The following ARL13B variants were observed in gnomAD, a reference collection of about 807,000 sequenced individuals.
The protein encoded by ARL13B is ARF like GTPase 13B.
In ARL13B, 36 loss-of-function variants were observed where a neutral mutation model predicts 56.1. The ratio of observed to expected loss-of-function variants is 0.64; its 90% confidence interval spans 0.49 to 0.85. ARL13B has a LOEUF of 0.85. Ranked by LOEUF, ARL13B falls within the 40% of genes least tolerant of loss-of-function variation. The pLI, the probability that ARL13B is intolerant of heterozygous loss-of-function variation, is 0.00. For missense variants in ARL13B, 519 were observed against 507.1 expected (o/e 1.02, Z -0.23); for synonymous variants, 178 against 171.1 (o/e 1.04, Z -0.32).
intron 1 of ARL13B, among the ~76,000 whole-genome samples, chr3:93,986,064 G>A (rs973763231): frequency 1.3e-5 from 2 of 152,190 alleles, no homozygotes; most frequent in Admixed American, 6.5e-5. Flanking sequence ...TGTATGTACA[G>A]ATTAGCAAGG....
intron 3 of ARL13B, 89 bp from the exon 4 acceptor site, chr3:94,035,236 CAAAAAA>C: frequency 7.1e-5 from 39 of 551,634 alleles, no homozygotes; most frequent in Admixed American, 1.2e-4. Context: ...GACTCAGTCT[CAAAAAA>C]AAAAAAAAAA....
At chr3:94,009,430 G>A (rs188548239) in intron 3 of ARL13B, among the ~76,000 whole-genome samples, 7 of 151,668 alleles carry the variant, frequency 4.6e-5, no homozygotes, top group African/African-American at 7.3e-5. Flanking sequence ...GTCATATTCC[G>A]TATTGTAAGT....
chr3:94,004,483 A>G (rs1419347646), intron 3 of ARL13B, among the ~76,000 whole-genome samples: 1 of 152,160 alleles, frequency 6.6e-6, no homozygotes, highest in African/African-American at 2.4e-5. Context: ...CATAGCATTT[A>G]TGCATGGTAA....
chr3:94,049,918 C>A (rs965556106), intron 8 of ARL13B, among the ~76,000 whole-genome samples: 1 of 149,870 alleles, frequency 6.7e-6, no homozygotes, highest in Non-Finnish European at 1.5e-5. Flanking sequence ...TTTGTGAGGC[C>A]GAGGCGGGCA....
At chr3:94,046,500 G>A (rs1489045531) in intron 7 of ARL13B, among the ~76,000 whole-genome samples, 1 of 151,980 alleles carries the variant, frequency 6.6e-6, no homozygotes, top group African/African-American at 2.4e-5. Context: ...GTTGTAGCAT[G>A]TATCAATAGT....
chr3:94,050,798 T>C (rs1156341035), intron 8 of ARL13B, 26 bp from the exon 9 acceptor site: 3 of 1,603,118 alleles, frequency 1.9e-6, no homozygotes, highest in African/African-American at 1.3e-5. Context: ...TAACAGTGTT[T>C]TTTAAATGTT....
At position 93,985,046 on chromosome 3, in the gene ARL13B, T is replaced by C. The variant is rs1341495545; in HGVS notation, c.59+4564T>C. 2.0e-5 allele frequency among the ~76,000 whole-genome samples: 3 copies of C among 152,124 alleles called. No homozygotes were observed. The East Asian group carries it at 5.8e-4, about 29-fold the overall frequency. ...CAATCAATCAATCAATAAGACTAAA[T>C]AAAAATTTTAAATTCAAATATATTA... On this transcript the variant is annotated intron_variant, in intron 1 of 9. Transcript: ENST00000394222.
intron 1 of ARL13B, among the ~76,000 whole-genome samples, chr3:93,981,952 T>C (rs1710243140): frequency 6.6e-6 from 1 of 151,884 alleles, no homozygotes; most frequent in Non-Finnish European, 1.5e-5. Context: ...AATTATATTC[T>C]GGTCTAATTT....
chr3:94,032,408 T>C (rs1438540827), intron 3 of ARL13B, among the ~76,000 whole-genome samples: 1 of 152,242 alleles, frequency 6.6e-6, no homozygotes, highest in East Asian at 1.9e-4. Flanking sequence ...ACATAGCAGA[T>C]GTCTGCGAGA....
At chr3:94,013,520 G>A (rs1482366779) in intron 3 of ARL13B, among the ~76,000 whole-genome samples, 1 of 152,192 alleles carries the variant, frequency 6.6e-6, no homozygotes, top group Non-Finnish European at 1.5e-5. Flanking sequence ...GTTCAAGAAA[G>A]CAATACCTTA....
intron 3 of ARL13B, among the ~76,000 whole-genome samples, chr3:94,009,248 T>C (rs983689165): frequency 6.6e-5 from 10 of 152,094 alleles, no homozygotes; most frequent in Non-Finnish European, 4.4e-5. Flanking sequence ...ACTAAAAAGA[T>C]TAAAAACCCT....
At position 94,003,930 on chromosome 3, in the gene ARL13B, G is replaced by A. The variant is rs570316047; in HGVS notation, c.380+22G>A. On this transcript the variant is annotated intron_variant, in intron 3 of 9. Coordinates refer to ENST00000394222, the MANE Select transcript of ARL13B (RefSeq NM_001174150.2). ...TGGTGTAAGTAATGTTAGCATCATTGTAAATGTAGGGACGATGGCATTGGC... is the reference window on the plus strand; with the variant it reads ...TGGTGTAAGTAATGTTAGCATCATTATAAATGTAGGGACGATGGCATTGGC... 18 of 1,612,614 alleles carry A rather than the reference G, an allele frequency of 1.1e-5. No homozygotes were observed. The East Asian group carries it at 3.3e-4, about 30-fold the overall frequency.
chr3:93,991,589 A>G (rs1051576434), intron 1 of ARL13B, among the ~76,000 whole-genome samples: 2 of 152,172 alleles, frequency 1.3e-5, no homozygotes, highest in African/African-American at 4.8e-5. Context: ...ATGTTGCCCA[A>G]GCTGGTCTTG....
chr3:94,032,094 C>A (rs1454211262), intron 3 of ARL13B, among the ~76,000 whole-genome samples: 1 of 152,134 alleles, frequency 6.6e-6, no homozygotes, highest in African/African-American at 2.4e-5. Flanking sequence ...GTAAAAACTT[C>A]TGCACAGCAA....
intron 3 of ARL13B, among the ~76,000 whole-genome samples, chr3:94,012,836 T>C (rs1348085806): frequency 6.6e-6 from 1 of 152,186 alleles, no homozygotes; most frequent in Non-Finnish European, 1.5e-5. Context: ...GCTTGTCTTC[T>C]ACTCACCTCT....
chr3:93,980,377 T>A lies in ARL13B; in HGVS notation c.-47T>A. ...CCCCCGGGGAAGAGCGGGGTGCCGG[T>A]GTCCGCTCCGGGCTCGGATGGGAAG... On this transcript the variant is annotated 5_prime_UTR_variant, in exon 1 of 10. Transcript: ENST00000394222. The A allele has an allele frequency of 6.8e-6, 11 of 1,606,060 alleles. No homozygotes were observed. Among genetic ancestry groups the A allele is most frequent in the Non-Finnish European group, 9.3e-6 (11 of 1,178,166 alleles).
At chr3:94,043,331 C>T (rs146784942) in intron 7 of ARL13B, 91 bp downstream of exon 7, 750 of 1,153,962 alleles carry the variant, frequency 6.5e-4, no homozygotes, top group Non-Finnish European at 8.3e-4. Context: ...TTTTTACAAA[C>T]GAGTACTTCA....
chr3:94,024,852 T>G (rs2076523160), intron 3 of ARL13B, among the ~76,000 whole-genome samples: 1 of 152,170 alleles, frequency 6.6e-6, no homozygotes, highest in Non-Finnish European at 1.5e-5. Flanking sequence ...CCTCCCAAAG[T>G]GCTGGGATTA....
chr3:94,014,027 A>G (rs1423592948), intron 3 of ARL13B, among the ~76,000 whole-genome samples: 2 of 152,220 alleles, frequency 1.3e-5, no homozygotes, highest in Non-Finnish European at 2.9e-5. Context: ...AATATTCTCC[A>G]GTCAGCCAAA....
Sources: gnomAD v4.1 joint callset for allele counts (sites outside exome capture counted in the v4.1 genomes callset) on GRCh38, gnomAD v4.1.1 for gene constraint, MANE v1.5 for transcripts, NCBI Gene and HGNC (gene_info 2026-07-23, HGNC 2026-07-21) for gene names.